WSB1: variants seen among roughly 807,000 people sequenced by gnomAD.
The protein encoded by WSB1 is WD repeat and SOCS box-containing protein 1.
Under a neutral mutation model 50.2 loss-of-function variants are expected in WSB1, and 23 were observed. The observed-to-expected ratio is 0.46, with a 90% confidence interval of 0.33 to 0.65. The LOEUF (loss-of-function observed/expected upper bound fraction) is 0.65. Among genes scored for constraint, WSB1 ranks in the 30% least tolerant of loss-of-function variants. The pLI is 0.02. For synonymous variants in WSB1, 179 were observed against 172.0 expected, an observed-to-expected ratio of 1.04 and a Z score of -0.32; for missense variants, 492 against 522.3, an observed-to-expected ratio of 0.94 and a Z score of 0.56.
chr17:27,302,293 C>T (rs2017262926), intron 2 of WSB1: 1 of 163,742 alleles, frequency 6.1e-6, no homozygotes, highest in Non-Finnish European at 1.3e-5. Context: ...CACCTGTAGT[C>T]CCAGCTACTC....
chr17:27,298,903 C>T (rs540568184), intron 1 of WSB1, among the ~76,000 whole-genome samples: 10 of 151,458 alleles, frequency 6.6e-5, no homozygotes, highest in Non-Finnish European at 1.2e-4. Context: ...TTGTTTTTTT[C>T]AGTTAGCCAA....
chr17:27,310,102 C>T lies in WSB1; in HGVS notation c.926C>T (p.Ala309Val). The part of the protein sequence containing the change: ...PPPTPIFAGG[A>V]NDRWVRSVSF... ...CCTACTCCAATATTTGCTGGAGGAG[C>T]AAATGACCGGTGGGTACGATCTGTA... Residue 309 changes from alanine (A) to valine (V), a missense_variant, in exon 7 of 9, where the codon GCA (alanine) becomes GTA (valine). By Grantham distance (64) the Ala-to-Val change is moderately conservative. Coordinates refer to ENST00000262394, the MANE Select transcript of WSB1 (RefSeq NM_015626.10). 2 of 1,614,112 alleles carry T rather than the reference C, an allele frequency of 1.2e-6. No homozygotes were observed. The highest frequency in any genetic ancestry group is 1.3e-5 in the African/African-American group (1 of 75,054).
chr17:27,307,780 T>C (rs2017518981), intron 5 of WSB1: 1 of 1,535,126 alleles, frequency 6.5e-7, no homozygotes, highest in African/African-American at 1.4e-5. Flanking sequence ...GAGGTTATGC[T>C]GGCACCACTC....
chr17:27,309,916 G>A lies in WSB1; in HGVS notation c.885-145G>A, dbSNP rs148475821. The A allele has an allele frequency of 1.0e-3, 621 of 622,674 alleles. 2 individuals are homozygous for A. Among genetic ancestry groups the A allele is most frequent in the African/African-American group, 9.2e-3 (498 of 54,010 alleles). 38.6% of individuals were successfully genotyped at this position (622,674 alleles called of 1,614,324 possible). A position where few individuals can be genotyped will look rare whatever the true frequency, so the allele number is the denominator to read the frequency against. ...AGTTCTTTTCAGGTGACTTTAATTT[G>A]GATGTATCATCTCTACTGAGTCTTC... On this transcript the variant is annotated intron_variant, in intron 6 of 8. Coordinates refer to ENST00000262394, the MANE Select transcript of WSB1 (RefSeq NM_015626.10).
intron 7 of WSB1, 120 bp from the exon 8 acceptor site, chr17:27,311,389 G>A: frequency 1.6e-6 from 1 of 632,144 alleles, no homozygotes; most frequent in Non-Finnish European, 2.7e-6. Context: ...ATAATTGCCT[G>A]TTGGTGTGAT....
At position 27,309,267 on chromosome 17, in the gene WSB1, A is replaced by G. The variant is rs756092688; in HGVS notation, c.879A>G (p.Glu293=). The G allele has an allele frequency of 1.2e-6, 2 of 1,603,698 alleles. No individual in the cohort carries two copies. The highest frequency in any genetic ancestry group is 3.4e-5 in the Admixed American group (2 of 58,636). Residue 293 remains glutamate, a synonymous_variant, in exon 6 of 9, where the codon GAA becomes GAG. Transcript: ENST00000262394. ...WDPHNGDILM[E]FGHLFPPPTP... ...CACATAATGGAGACATTCTGATGGA[A>G]TTTGGGTGGGTACAGCATGAATTAT... is the stretch of plus-strand genomic sequence containing the variant.
At position 27,306,853 on chromosome 17, in the gene WSB1, A is replaced by C. The variant is rs765769279; in HGVS notation, c.682A>C (p.Met228Leu). The change falls in exon 5 of 9, where the codon ATG becomes CTG. Residue 228 changes from methionine (M) to leucine (L), a missense_variant. Met to Leu is a conservative substitution (Grantham distance 15). Transcript: ENST00000262394. ...YSCAFSPDSS[M>L]LCSVGASKAV... Reference sequence around the variant, plus strand: ...CTGTGCATTCTCTCCTGACTCTTCTATGCTGTGTTCAGTCGGAGCCAGTAA... The same window carrying C: ...CTGTGCATTCTCTCCTGACTCTTCTCTGCTGTGTTCAGTCGGAGCCAGTAA... 1 of 1,614,190 alleles carries C rather than the reference A, an allele frequency of 6.2e-7. No individual in the cohort carries two copies. The highest frequency in any genetic ancestry group is 8.5e-7 in the Non-Finnish European group (1 of 1,180,038).
At position 27,311,510 on chromosome 17, in the gene WSB1, A is replaced by G. The variant is rs776535003; in HGVS notation, c.1000A>G (p.Met334Val). 6.3e-7 allele frequency: 1 copy of G among 1,585,522 alleles called. No individual in the cohort carries two copies. The highest frequency in any genetic ancestry group is 8.5e-7 in the Non-Finnish European group (1 of 1,171,898). Residue 334 changes from methionine (M) to valine (V), a missense_variant and splice_region_variant, in exon 8 of 9, where the codon ATG becomes GTG. Physicochemically the swap from Met to Val is conservative, Grantham distance 21. Coordinates refer to ENST00000262394, the MANE Select transcript of WSB1 (RefSeq NM_015626.10). ...CTAAATAATTTATTTCATTTTCAGA[A>G]TGGTGAGGTTCTGGAGAATTGATGA... ...LHVASLADDK[M>V]VRFWRIDEDY...
At chr17:27,310,317 G>A (rs6505199) in intron 7 of WSB1, 143 bp downstream of exon 7, 279,682 of 651,838 alleles carry the variant, frequency 0.43, 63,269 homozygotes, top group African/African-American at 0.63. Context: ...AAAGAATATC[G>A]GCCTGAACAA....
chr17:27,305,817 A>G (rs1379427519), intron 4 of WSB1, among the ~76,000 whole-genome samples: 2 of 152,198 alleles, frequency 1.3e-5, no homozygotes, highest in Non-Finnish European at 2.9e-5. Context: ...AAATATTTTA[A>G]TAATTTTTTT....
rs1175423865 is a variant in WSB1 at position 27,294,144 on chromosome 17, G to A, written c.-252G>A. 2.0e-5 allele frequency: 7 copies of A among 341,946 alleles called. No homozygotes were observed. The highest frequency in any genetic ancestry group is 6.4e-5 in the African/African-American group (3 of 47,108). 21.2% of individuals were successfully genotyped at this position (341,946 alleles called of 1,614,324 possible). A position where few individuals can be genotyped will look rare whatever the true frequency, so the allele number is the denominator to read the frequency against. The stretch of plus-strand genomic sequence containing the variant: ...CTCGTTTGCAGTCGGCGCTTTAGGG[G>A]AACTGTCTTCCTCCGCAGGCGCGAG... On this transcript the variant is annotated 5_prime_UTR_variant, in exon 1 of 9. Coordinates refer to ENST00000262394, the MANE Select transcript of WSB1 (RefSeq NM_015626.10).
At chr17:27,294,554 A>T (rs923671170) in intron 1 of WSB1, 119 bp downstream of exon 1, 1 of 1,417,034 alleles carries the variant, frequency 7.1e-7, no homozygotes, top group Non-Finnish European at 9.6e-7. Flanking sequence ...CGCCAGGGCC[A>T]GCCCACTAGC....
chr17:27,310,225 T>C (rs1306561114), intron 7 of WSB1, 51 bp downstream of exon 7: 4 of 1,555,010 alleles, frequency 2.6e-6, no homozygotes, highest in Non-Finnish European at 3.5e-6. Context: ...TTTTACATTC[T>C]TAAGCCTTAA....
At chr17:27,311,401 T>C (rs1172753649) in intron 7 of WSB1, 108 bp from the exon 8 acceptor site, 3 of 695,552 alleles carry the variant, frequency 4.3e-6, no homozygotes, top group Non-Finnish European at 7.2e-6. Flanking sequence ...TGGTGTGATG[T>C]GTGTATTTTG....
chr17:27,304,535 CAAAAAAAAAAAAAAAAAAAA>C (rs10660665), intron 3 of WSB1, among the ~76,000 whole-genome samples: 1 of 38,680 alleles, frequency 2.6e-5, no homozygotes, highest in African/African-American at 1.1e-4. Flanking sequence ...TCCATCTCTC[CAAAAAAAAAAAAAAAAAAAA>C]AAAAAAAAAG....
chr17:27,298,844 A>G (rs564109131), intron 1 of WSB1, among the ~76,000 whole-genome samples: 106 of 152,318 alleles, frequency 7.0e-4, no homozygotes, highest in African/African-American at 2.5e-3. Context: ...AGCCTGGGCG[A>G]CAGAGCAAGA....
In WSB1 at chr17:27,311,579, T is replaced by C; in HGVS notation, c.1069T>C (p.Cys357Arg). The C allele has an allele frequency of 6.2e-7, 1 of 1,611,254 alleles. No individual in the cohort carries two copies. Among genetic ancestry groups the C allele is most frequent in the Non-Finnish European group, 8.5e-7 (1 of 1,179,092 alleles). The change falls in exon 8 of 9, where the codon TGT becomes CGT. Residue 357 changes from cysteine (C) to arginine (R), a missense_variant. Coordinates refer to ENST00000262394, the MANE Select transcript of WSB1 (RefSeq NM_015626.10). ...QVAPLSNGLC[C>R]AFSTDGSVLA... is the part of the protein sequence containing the mutation. ...TGCACCTTTGAGCAATGGTCTTTGC[T>C]GTGCCTTCTCTACTGATGGCAGTGT...
chr17:27,301,647 C>T (rs1000905554), intron 1 of WSB1, 141 bp from the exon 2 acceptor site: 10 of 735,958 alleles, frequency 1.4e-5, no homozygotes, highest in African/African-American at 5.5e-5. Context: ...GCATACCCCC[C>T]GTTAGAGGAT....
At chr17:27,309,629 C>T (rs2017590062) in intron 6 of WSB1, among the ~76,000 whole-genome samples, 1 of 151,410 alleles carries the variant, frequency 6.6e-6, no homozygotes, top group Non-Finnish European at 1.5e-5. Context: ...TGTCGCCAGG[C>T]TGGAGTGCAG....
Sources: allele counts gnomAD v4.1 joint callset (sites outside exome capture counted in the v4.1 genomes callset), GRCh38; gene constraint gnomAD v4.1.1; transcripts MANE v1.5; gene names NCBI Gene and HGNC (gene_info 2026-07-23, HGNC 2026-07-21).